Variants in HDGFL3 observed in about 807,000 individuals in gnomAD.
HDGFL3 encodes the protein HDGF like 3.
HDGFL3 carries 6 observed loss-of-function variants against 27.6 expected under a neutral mutation model. The ratio of observed to expected loss-of-function variants is 0.22; its 90% CI spans 0.12 to 0.43. HDGFL3 has a LOEUF of 0.43. HDGFL3 is among the 20% of genes least tolerant of loss of function. The probability of loss-of-function intolerance (pLI) is 1.00; values close to 1 mark genes in which losing one functional copy is unlikely to be tolerated. For synonymous variants in HDGFL3, 88 were observed against 88.9 expected, an observed-to-expected ratio of 0.99 and a Z score of 0.05; for missense variants, 207 against 250.1, an observed-to-expected ratio of 0.83 and a Z score of 1.16.
At chr15:83,204,476 A>G (rs2037693320) in intron 1 of HDGFL3, among the ~76,000 whole-genome samples, 2 of 152,324 alleles carry the variant, frequency 1.3e-5, no homozygotes, top group African/African-American at 4.8e-5. Flanking sequence ...TAGAGGGAGG[A>G]TATATGAACA....
intron 3 of HDGFL3, chr15:83,122,722 T>C (rs778418717): frequency 6.2e-7 from 1 of 1,606,882 alleles, no homozygotes; most frequent in Admixed American, 1.7e-5. Flanking sequence ...AGATATGCTT[T>C]TGGTAACTTC....
chr15:83,122,819 G>T (rs146100465), downstream of HDGFL3: 1 of 1,613,994 alleles, frequency 6.2e-7, no homozygotes, highest in Non-Finnish European at 8.5e-7. Context: ...TTGTCTTCCT[G>T]TCTGGGCTGG....
At chr15:83,144,722 G>A (rs2036856243) in intron 5 of HDGFL3, 1 of 351,594 alleles carries the variant, frequency 2.8e-6, no homozygotes, top group Admixed American at 3.9e-5. Flanking sequence ...AGTTCCTGCT[G>A]ACACCTGGAC....
intron 1 of HDGFL3, among the ~76,000 whole-genome samples, chr15:83,202,693 T>G (rs2037663133): frequency 6.6e-6 from 1 of 152,160 alleles, no homozygotes; most frequent in African/African-American, 2.4e-5. Context: ...GCACAAATCT[T>G]AAATGTACAG....
At position 83,134,614 on chromosome 15, in the gene HDGFL3, C is replaced by T. The variant is rs1004507757; in HGVS notation, c.*4656G>A. On this transcript the variant is annotated 3_prime_UTR_variant, in exon 6 of 6. Coordinates refer to ENST00000299633, the MANE Select transcript of HDGFL3 (RefSeq NM_016073.4). ...TGCAGGAAAAGAGCCTACGGAATCACTGACTTTTTACACAGGCTCCCCTAT... is the reference window on the plus strand; with the variant it reads ...TGCAGGAAAAGAGCCTACGGAATCATTGACTTTTTACACAGGCTCCCCTAT... 10 of 152,192 alleles carry T rather than the reference C, an allele frequency of 6.6e-5. No individual in the cohort carries two copies. The highest frequency in any genetic ancestry group is 2.4e-4 in the African/African-American group (10 of 41,442). The allele number at this position is 152,192 out of a possible 1,614,324, so 9.4% of individuals were successfully genotyped here.
chr15:83,200,760 G>C (rs543648278), intron 1 of HDGFL3, among the ~76,000 whole-genome samples: 2 of 152,042 alleles, frequency 1.3e-5, no homozygotes, highest in African/African-American at 4.8e-5. Context: ...TTAACCCCTG[G>C]TCTGATTCTC....
At chr15:83,155,370 C>A (rs2037015243) in intron 4 of HDGFL3, among the ~76,000 whole-genome samples, 1 of 152,194 alleles carries the variant, frequency 6.6e-6, no homozygotes, top group Non-Finnish European at 1.5e-5. Context: ...GCCACATATC[C>A]ACACTATTAA....
At position 83,136,750 on chromosome 15, in the gene HDGFL3, C is replaced by T. The variant is rs1440411785; in HGVS notation, c.*2520G>A. On this transcript the variant is annotated 3_prime_UTR_variant, in exon 6 of 6. Transcript: ENST00000299633. ...TACTGATATTTTGTCCCATTTCACT[C>T]TCTTCTCATACGTGAGTACTTAAGA... is the stretch of plus-strand genomic sequence containing the variant. 4 of 1,233,324 alleles carry T rather than the reference C, an allele frequency of 3.2e-6. No homozygotes were observed. The highest frequency in any genetic ancestry group is 4.6e-6 in the Non-Finnish European group (4 of 875,384). The allele number at this position is 1,233,324 out of a possible 1,614,324, so 76.4% of individuals were successfully genotyped here.
intron 1 of HDGFL3, chr15:83,192,248 T>C (rs1198178672): frequency 6.6e-6 from 3 of 454,394 alleles, no homozygotes; most frequent in Non-Finnish European, 1.3e-5. Flanking sequence ...GACCTGTAAC[T>C]CACCTCTTTC....
intron 1 of HDGFL3, among the ~76,000 whole-genome samples, chr15:83,170,889 A>C (rs572538655): frequency 7.6e-4 from 115 of 151,388 alleles, no homozygotes; most frequent in Non-Finnish European, 1.3e-3. Context: ...AAAAAAAAAA[A>C]AACAAATAAT....
intron 1 of HDGFL3, among the ~76,000 whole-genome samples, chr15:83,192,742 C>G (rs915826334): frequency 6.6e-6 from 1 of 152,136 alleles, no homozygotes; most frequent in Non-Finnish European, 1.5e-5. Flanking sequence ...TTAAGATATG[C>G]CTGTTTTAAA....
At chr15:83,202,698 G>GTACA (rs1196410631) in intron 1 of HDGFL3, among the ~76,000 whole-genome samples, 4 of 152,068 alleles carry the variant, frequency 2.6e-5, no homozygotes, top group African/African-American at 9.7e-5. Flanking sequence ...AATCTTAAAT[G>GTACA]TACAGCTTGA....
chr15:83,143,435 G>T (rs546225653), intron 5 of HDGFL3, among the ~76,000 whole-genome samples: 28 of 152,170 alleles, frequency 1.8e-4, no homozygotes, highest in African/African-American at 6.3e-4. Context: ...ACACAAAATT[G>T]GCCAGGCGTG....
At chr15:83,143,598 A>C (rs1332155526) in intron 5 of HDGFL3, among the ~76,000 whole-genome samples, 1 of 152,140 alleles carries the variant, frequency 6.6e-6, no homozygotes, top group Non-Finnish European at 1.5e-5. Context: ...ACAAACTTTT[A>C]ATGGTATTAA....
intron 2 of HDGFL3, among the ~76,000 whole-genome samples, chr15:83,160,738 A>C (rs1247326088): frequency 2.0e-5 from 3 of 152,108 alleles, no homozygotes; most frequent in Non-Finnish European, 4.4e-5. Context: ...TTCAGACGAG[A>C]GGTTAACAGT....
chr15:83,194,897 T>C (rs2037551439), intron 1 of HDGFL3, among the ~76,000 whole-genome samples: 1 of 152,166 alleles, frequency 6.6e-6, no homozygotes, highest in African/African-American at 2.4e-5. Flanking sequence ...GAAGGTACTA[T>C]CATTTAAATT....
rs1375319503 is a variant in HDGFL3, at chr15:83,134,471, C to CCAAG, written c.*4798_*4799insCTTG. On this transcript the variant is annotated 3_prime_UTR_variant, in exon 6 of 6. Transcript: ENST00000299633. ...CTCCTGACCTCAGGTGATCCACCCGCCTTGGCCTCCCAAAGTACTGGGATT... is the reference window on the plus strand; with the variant it reads ...CTCCTGACCTCAGGTGATCCACCCGCCAAGCTTGGCCTCCCAAAGTACTGGGATT... The CCAAG allele has an allele frequency of 6.6e-6, 1 of 152,282 alleles. No homozygotes were observed. The highest frequency in any genetic ancestry group is 1.5e-5 in the Non-Finnish European group (1 of 68,088). The allele number at this position is 152,282 out of a possible 1,614,324, so 9.4% of individuals were successfully genotyped here.
chr15:83,207,042 C>A lies in HDGFL3; in HGVS notation c.84+289G>T, dbSNP rs980024176. Reference sequence around the variant, plus strand: ...GCCCGCTGCCCGGCGGCGTGGCTTCCCGGTCGGCACCGGCTTTCCAGGAGG... The same window carrying A: ...GCCCGCTGCCCGGCGGCGTGGCTTCACGGTCGGCACCGGCTTTCCAGGAGG... On this transcript the variant is annotated intron_variant, in intron 1 of 5. Coordinates refer to ENST00000299633, the MANE Select transcript of HDGFL3 (RefSeq NM_016073.4). The surrounding 1 kb of genome is among the most constrained non-coding windows in gnomAD (Gnocchi z 4.8). Among the ~76,000 whole-genome samples, 4 of 152,214 alleles carry A rather than the reference C, an allele frequency of 2.6e-5. No individual in the cohort carries two copies. The highest frequency in any genetic ancestry group is 4.4e-5 in the Non-Finnish European group (3 of 68,022).
chr15:83,192,166 T>G (rs1189934249), intron 1 of HDGFL3: 2 of 375,452 alleles, frequency 5.3e-6, no homozygotes, highest in African/African-American at 2.2e-5. Flanking sequence ...GGTCTCGAAC[T>G]CCTGACCTCA....
Sources: allele counts gnomAD v4.1 joint callset (sites outside exome capture counted in the v4.1 genomes callset), GRCh38; gene constraint gnomAD v4.1.1; non-coding constraint Gnocchi (gnomAD v3.1); transcripts MANE v1.5; gene names NCBI Gene and HGNC (gene_info 2026-07-23, HGNC 2026-07-21).